SAMD5: variants seen among roughly 807,000 people sequenced by gnomAD.
The protein encoded by SAMD5 is sterile alpha motif domain containing 5, also known as sterile alpha motif domain-containing protein 5.
Under a neutral mutation model 11.3 loss-of-function variants are expected in SAMD5, and 13 were observed. That is an observed-to-expected ratio of 1.15 (90% CI 0.75 to 1.83). SAMD5 has a LOEUF of 1.83. Among genes scored for constraint, SAMD5 ranks in the 40% most tolerant of loss-of-function variants. The pLI, the probability that SAMD5 is intolerant of heterozygous loss-of-function variation, is 0.00. For missense variants in SAMD5, 255 were observed against 239.1 expected (o/e 1.07, Z -0.44); for synonymous variants, 129 against 111.3 (o/e 1.16, Z -1.00).
chr6:147,621,313 G>A (rs1007440687), intron 1 of SAMD5, among the ~76,000 whole-genome samples: 27 of 152,172 alleles, frequency 1.8e-4, no homozygotes, highest in African/African-American at 6.3e-4. Flanking sequence ...GACAGATGCC[G>A]GAGGTGTTTT....
At chr6:147,849,368 T>A in the SAMD5 span, among the ~76,000 whole-genome samples, 2 of 152,108 alleles carry the variant, frequency 1.3e-5, no homozygotes, top group African/African-American at 4.8e-5. Context: ...AATTTTTTTT[T>A]AATTTCCTCT....
chr6:147,823,223 A>G, the SAMD5 span, among the ~76,000 whole-genome samples: 1 of 152,204 alleles, frequency 6.6e-6, no homozygotes, highest in Non-Finnish European at 1.5e-5. Context: ...GATTTCTTTA[A>G]CAACTTAATA....
chr6:147,852,990 G>A, the SAMD5 span, among the ~76,000 whole-genome samples: 142 of 152,234 alleles, frequency 9.3e-4, 3 homozygotes, highest in South Asian at 0.029. Context: ...ATTAGAAGAG[G>A]TGACTCACTT....
At chr6:147,911,997 G>T in the SAMD5 span, among the ~76,000 whole-genome samples, 2 of 152,332 alleles carry the variant, frequency 1.3e-5, no homozygotes, top group Admixed American at 1.3e-4. Context: ...AACAAGGACA[G>T]ACTCTCAAAA....
the SAMD5 span, among the ~76,000 whole-genome samples, chr6:147,751,378 GTGTAGGAA>G: frequency 3.3e-5 from 5 of 152,092 alleles, no homozygotes; most frequent in African/African-American, 1.2e-4. Flanking sequence ...AGCAACGGAA[GTGTAGGAA>G]TTGTCTATAT....
the SAMD5 span, among the ~76,000 whole-genome samples, chr6:147,820,170 A>G: frequency 6.6e-6 from 1 of 152,106 alleles, no homozygotes; most frequent in Non-Finnish European, 1.5e-5. Flanking sequence ...CCCTTCCTTT[A>G]TCTCCATTAT....
intron 1 of SAMD5, among the ~76,000 whole-genome samples, chr6:147,547,490 T>C (rs1788704899): frequency 6.6e-6 from 1 of 152,148 alleles, no homozygotes; most frequent in Admixed American, 6.5e-5. Context: ...TCTCTTGAGC[T>C]GGAGGCTGCC....
intron 1 of SAMD5, among the ~76,000 whole-genome samples, chr6:147,557,545 T>G (rs1788877167): frequency 6.6e-6 from 1 of 152,204 alleles, no homozygotes; most frequent in African/African-American, 2.4e-5. Context: ...TGCTTCCACT[T>G]TCACCTGGCC....
At chr6:147,692,505 C>T (rs1791118149) in intron 1 of SAMD5, 1 of 152,164 alleles carries the variant, frequency 6.6e-6, no homozygotes, top group African/African-American at 2.4e-5. Context: ...TAGATAAACA[C>T]CAAGAAGGTC....
chr6:147,817,838 T>C, the SAMD5 span, among the ~76,000 whole-genome samples: 2 of 152,206 alleles, frequency 1.3e-5, no homozygotes, highest in African/African-American at 4.8e-5. Flanking sequence ...CCTGTTTGTG[T>C]CCTTCTAACC....
chr6:147,816,301 A>AAAAAAAAAATATATATATATATATATAT, the SAMD5 span, among the ~76,000 whole-genome samples: 1 of 66,362 alleles, frequency 1.5e-5, no homozygotes, highest in Non-Finnish European at 2.4e-5. Flanking sequence ...AAAAAAAAAA[A>AAAAAAAAAATATATATATATATATATAT]ATATATATAT....
chr6:147,870,488 A>G, the SAMD5 span, among the ~76,000 whole-genome samples: 35 of 149,572 alleles, frequency 2.3e-4, no homozygotes, highest in African/African-American at 8.4e-4. Context: ...GTGTGTATAT[A>G]TATATGTATA....
At chr6:147,514,850 A>G (rs1248520109) in intron 1 of SAMD5, among the ~76,000 whole-genome samples, 1 of 152,182 alleles carries the variant, frequency 6.6e-6, no homozygotes, top group East Asian at 1.9e-4. Context: ...CAAGAATCTC[A>G]TGCTAATAAG....
At chr6:147,635,927 G>T (rs564300569) in intron 1 of SAMD5, among the ~76,000 whole-genome samples, 1 of 152,274 alleles carries the variant, frequency 6.6e-6, no homozygotes, top group South Asian at 2.1e-4. Context: ...CAAGCTGCTG[G>T]GTTGGGGTGG....
At chr6:147,943,673 A>G in the SAMD5 span, among the ~76,000 whole-genome samples, 3 of 151,990 alleles carry the variant, frequency 2.0e-5, no homozygotes, top group South Asian at 4.2e-4. Flanking sequence ...CCTCAAATGT[A>G]TCATATTCAT....
chr6:147,939,099 A>G, the SAMD5 span, among the ~76,000 whole-genome samples: 1 of 152,128 alleles, frequency 6.6e-6, no homozygotes, highest in South Asian at 2.1e-4. Context: ...TAGACACTTT[A>G]CTTACCATTA....
the SAMD5 span, among the ~76,000 whole-genome samples, chr6:147,919,606 A>G: frequency 3.4e-4 from 52 of 152,268 alleles, no homozygotes; most frequent in East Asian, 9.9e-3. Flanking sequence ...CTCTTTGGGG[A>G]GGAAAAAACC....
chr6:147,723,283 C>G (rs1267933500), intron 1 of SAMD5, among the ~76,000 whole-genome samples: 1 of 152,114 alleles, frequency 6.6e-6, no homozygotes, highest in Non-Finnish European at 1.5e-5. Context: ...CTTGGAGTAG[C>G]AGATGTCTTT....
In SAMD5 at chr6:147,711,261, G is replaced by T. The variant is rs1791396780; in HGVS notation, c.163-26056G>T. 6.6e-6 allele frequency among the ~76,000 whole-genome samples: 1 copy of T among 152,152 alleles called. No homozygotes were observed. Among genetic ancestry groups the T allele is most frequent in the Admixed American group, 6.5e-5 (1 of 15,284 alleles). On this transcript the variant is annotated intron_variant, in intron 1 of 1. Coordinates refer to the SAMD5 transcript ENST00000566741. The surrounding 1 kb of genome is among the most constrained non-coding windows in gnomAD (Gnocchi z 4.1). Reference sequence around the variant, plus strand: ...AGGAAAGTGGGCCTCGGAGAGTTCAGCCCATTGTCAGGGGTTTCACAGCTC... The same window carrying T: ...AGGAAAGTGGGCCTCGGAGAGTTCATCCCATTGTCAGGGGTTTCACAGCTC...
Sources: gnomAD v4.1 joint callset for allele counts (sites outside exome capture counted in the v4.1 genomes callset) on GRCh38, gnomAD v4.1.1 for gene constraint, Gnocchi (gnomAD v3.1) non-coding constraint, MANE v1.5 for transcripts, NCBI Gene and HGNC (gene_info 2026-07-23, HGNC 2026-07-21) for gene names.